Variants in DNAH1 observed in about 807,000 individuals in gnomAD.
DNAH1 encodes the protein axonemal beta dynein heavy chain 1.
In DNAH1, 327 loss-of-function variants were observed where a neutral mutation model predicts 484.3. The ratio of observed to expected loss-of-function variants is 0.68; its 90% confidence interval spans 0.62 to 0.74. The LOEUF is 0.74. Among genes scored for constraint, DNAH1 ranks in the 30% least tolerant of loss-of-function variants. The pLI is 0.00. For missense variants in DNAH1, 5,052 were observed against 5,546.8 expected (o/e 0.91, Z 2.83); for synonymous variants, 2,192 against 2,191.9 (o/e 1.00, Z 0.00).
At chr3:52,342,033 C>G (rs958431611) in intron 8 of DNAH1, among the ~76,000 whole-genome samples, 62 of 152,348 alleles carry the variant, frequency 4.1e-4, no homozygotes, top group African/African-American at 1.5e-3. Flanking sequence ...AGAGATGTCT[C>G]AGAAGGGCTT....
rs1299492967 is a variant in DNAH1 at position 52,364,206 on chromosome 3, A to G, written c.5245-432A>G. On this transcript the variant is annotated intron_variant, in intron 32 of 77. Transcript: ENST00000420323. The surrounding 1 kb of genome is among the most constrained non-coding windows in gnomAD (Gnocchi z 4.2). ...GTAATGAAGAGAAACAGGCTGGGGG[A>G]AAAAGCATGGTGGTGTGGCCAGAAA... Among the ~76,000 whole-genome samples the G allele has an allele frequency of 6.6e-6, 1 of 152,186 alleles. No homozygotes were observed. Among genetic ancestry groups the G allele is most frequent in the South Asian group, 2.1e-4 (1 of 4,830 alleles).
At chr3:52,346,413 G>A in intron 10 of DNAH1, 59 bp from the exon 11 acceptor site, 3 of 1,510,538 alleles carry the variant, frequency 2.0e-6, no homozygotes, top group African/African-American at 2.7e-5. Context: ...GTCCCTGAGT[G>A]CAGCTATAGG....
chr3:52,332,380 G>A lies in DNAH1; in HGVS notation c.1272G>A (p.Met424Ile), dbSNP rs755975126. 8 of 1,613,394 alleles carry A rather than the reference G, an allele frequency of 5.0e-6. No homozygotes were observed. Among genetic ancestry groups the A allele is most frequent in the South Asian group, 1.1e-5 (1 of 91,086 alleles). ...IKQWALSTPR[M>I]RKGPSVLEHL... is the part of the protein sequence containing the mutation. ...AGTGGGCCCTGAGCACGCCTCGGAT[G>A]CGCAAAGGCCCCTCGTGAGTCCCCG... Residue 424 changes from methionine (M) to isoleucine (I), a missense_variant, in exon 8 of 78, where the codon ATG becomes ATA. Transcript: ENST00000420323.
rs1378401966 is a variant in DNAH1 at position 52,395,705 on chromosome 3, C to T, written c.11259+27C>T. The T allele has an allele frequency of 1.2e-6, 2 of 1,605,662 alleles. No individual in the cohort carries two copies. The highest frequency in any genetic ancestry group is 1.7e-6 in the Non-Finnish European group (2 of 1,175,746). Reference sequence around the variant, plus strand: ...TGTGTTGCCCTGCCCATCACAGACCCAGTGGGGCCGCCTCTGCATCCATCA... The same window carrying T: ...TGTGTTGCCCTGCCCATCACAGACCTAGTGGGGCCGCCTCTGCATCCATCA... On this transcript the variant is annotated intron_variant, in intron 70 of 77. Coordinates refer to ENST00000420323, the MANE Select transcript of DNAH1 (RefSeq NM_015512.5). This position sits in a 1 kb window ranked among gnomAD's most constrained non-coding sequence, Gnocchi z 4.4.
At chr3:52,394,382 G>A in intron 66 of DNAH1, 83 bp from the exon 67 acceptor site, 1 of 1,365,470 alleles carries the variant, frequency 7.3e-7, no homozygotes, top group Non-Finnish European at 1.0e-6. Flanking sequence ...AGGGTGGTTA[G>A]AGAGGCACTA....
At position 52,332,511 on chromosome 3, in the gene DNAH1, G is replaced by A. The variant is rs1701595475; in HGVS notation, c.1286+117G>A. The A allele has an allele frequency of 2.8e-6, 4 of 1,444,408 alleles. No homozygotes were observed. The South Asian group carries it at 4.1e-5, about 15-fold the overall frequency. 89.5% of individuals were successfully genotyped at this position (1,444,408 alleles called of 1,614,324 possible). ...CCTCAGGGCTCATCTGTTTGAGACT[G>A]TCCTGGCTATTGCCCTCTGGACTTG... On this transcript the variant is annotated intron_variant, in intron 8 of 77. Coordinates refer to ENST00000420323, the MANE Select transcript of DNAH1 (RefSeq NM_015512.5).
Position 52,386,356 on chromosome 3 carries a change from G to T in DNAH1, c.8811+11G>T. On this transcript the variant is annotated intron_variant, in intron 55 of 77. Transcript: ENST00000420323. Reference sequence around the variant, plus strand: ...AACGATGTGACCGAGGTGGGCAGCAGGGCATCTCCTGGCATTCCCTCTCAT... The same window carrying T: ...AACGATGTGACCGAGGTGGGCAGCATGGCATCTCCTGGCATTCCCTCTCAT... 6.4e-7 allele frequency: 1 copy of T among 1,554,254 alleles called. No individual in the cohort carries two copies. The highest frequency in any genetic ancestry group is 1.2e-5 in the South Asian group (1 of 84,036).
chr3:52,320,642 A>G (rs1578061558), intron 1 of DNAH1, among the ~76,000 whole-genome samples: 1 of 152,164 alleles, frequency 6.6e-6, no homozygotes, highest in Non-Finnish European at 1.5e-5. Context: ...AGCACAAAAC[A>G]CCCAGCAAAA....
chr3:52,326,912 T>C, intron 5 of DNAH1, 21 bp downstream of exon 5: 1 of 1,607,900 alleles, frequency 6.2e-7, no homozygotes, highest in Non-Finnish European at 8.5e-7. Context: ...CTTCCACAGA[T>C]GGTTGAGAGA....
At chr3:52,382,178 G>A in intron 49 of DNAH1, 142 bp from the exon 50 acceptor site, 2 of 1,358,634 alleles carry the variant, frequency 1.5e-6, no homozygotes, top group Non-Finnish European at 2.0e-6. Flanking sequence ...CAAAAAAGCA[G>A]GTTCAGGGCC....
chr3:52,368,541 G>A lies in DNAH1; in HGVS notation c.5766-200G>A, dbSNP rs1163942396. Among the ~76,000 whole-genome samples the A allele has an allele frequency of 2.6e-5, 4 of 152,178 alleles. No individual in the cohort carries two copies. Among genetic ancestry groups the A allele is most frequent in the African/African-American group, 9.7e-5 (4 of 41,434 alleles). On this transcript the variant is annotated intron_variant, in intron 36 of 77. Transcript: ENST00000420323. The surrounding 1 kb of genome is among the most constrained non-coding windows in gnomAD (Gnocchi z 4.4). ...TCACCTTTAATGGGGCTTCAGCAGG[G>A]CAGGGACATAAGCACATGTTTTCAT... is the stretch of plus-strand genomic sequence containing the variant.
At chr3:52,313,951 T>G (rs920926593), upstream of DNAH1, among the ~76,000 whole-genome samples, 1 of 152,136 alleles carries the variant, frequency 6.6e-6, no homozygotes, top group African/African-American at 2.4e-5. Flanking sequence ...AATCCAGGCC[T>G]CCTGCCCCGT....
In DNAH1 at chr3:52,372,397, C is replaced by T. The variant is rs762814028; in HGVS notation, c.6827+10C>T. 3.7e-6 allele frequency: 6 copies of T among 1,612,744 alleles called. No individual in the cohort carries two copies. In the African/African-American group the frequency reaches 6.7e-5, roughly 18 times the overall value. On this transcript the variant is annotated intron_variant, in intron 43 of 77. Coordinates refer to ENST00000420323, the MANE Select transcript of DNAH1 (RefSeq NM_015512.5). Reference sequence around the variant, plus strand: ...GCAAGCTGGACAAGAGGCAGGGCACCCCTCCCTCCTTCCTCACCCCTGCAT... The same window carrying T: ...GCAAGCTGGACAAGAGGCAGGGCACTCCTCCCTCCTTCCTCACCCCTGCAT...
rs761858704 is a variant in DNAH1 at position 52,345,584 on chromosome 3, G to A, written c.1534G>A (p.Ala512Thr). 20 of 1,602,642 alleles carry A rather than the reference G, an allele frequency of 1.2e-5. No homozygotes were observed. Among genetic ancestry groups the A allele is most frequent in the African/African-American group, 8.0e-5 (6 of 74,696 alleles). ...GCTCACACGGCCAGAGGTCATCACG[G>A]CCCTCAGCAAGGTGAGGGCCGAGTG... ...SLLTRPEVIT[A>T]LSKVRAECNK... Residue 512 changes from alanine (A) to threonine (T), a missense_variant, in exon 10 of 78, where the codon GCC becomes ACC. Ala to Thr is a moderately conservative substitution (Grantham distance 58). Around this residue, in one of 4 missense-constraint regions of DNAH1, gnomAD observed 1,263 missense variants for 1,218.8 expected, o/e 1.04. Coordinates refer to ENST00000420323, the MANE Select transcript of DNAH1 (RefSeq NM_015512.5).
chr3:52,322,686 CT>C lies in DNAH1; in HGVS notation c.245del (p.Leu82ArgfsTer10), dbSNP rs1701192142. The C allele has an allele frequency of 2.5e-6, 4 of 1,613,744 alleles. No homozygotes were observed. Among genetic ancestry groups the C allele is most frequent in the African/African-American group, 1.3e-5 (1 of 74,910 alleles). ...CTTGGGGCAGCCACGGAAGTCACCC[CT>C]GACAGGCACTGATAAGAAGTACCCG... ...SDLGQPRKSP[L>X]TGTDKKYPLM... On this transcript the variant is annotated frameshift_variant, in exon 2 of 78. Transcript: ENST00000420323. LOFTEE classifies it high-confidence loss of function.
At chr3:52,351,143 C>T (rs1313920962) in intron 16 of DNAH1, among the ~76,000 whole-genome samples, 1 of 152,232 alleles carries the variant, frequency 6.6e-6, no homozygotes. Context: ...AGCCACCGCG[C>T]CCAGCCTGAC....
intron 37 of DNAH1, 112 bp downstream of exon 37, chr3:52,369,030 C>A (rs1578155458): frequency 8.1e-7 from 1 of 1,233,244 alleles, no homozygotes; most frequent in East Asian, 2.5e-5. Context: ...GGCCATGGGT[C>A]CATCTCAGGC....
At chr3:52,347,535 G>C (rs1321962960) in intron 11 of DNAH1, among the ~76,000 whole-genome samples, 5 of 152,196 alleles carry the variant, frequency 3.3e-5, no homozygotes, top group African/African-American at 1.2e-4. Context: ...CTCCCGGGGA[G>C]AGAGTGGGGG....
chr3:52,328,089 C>CT, intron 6 of DNAH1, 75 bp downstream of exon 6: 1 of 1,568,738 alleles, frequency 6.4e-7, no homozygotes, highest in Non-Finnish European at 8.7e-7. Context: ...CTGGGCTCCC[C>CT]TGGGACCTGG....
Sources: gnomAD v4.1 joint callset for allele counts (sites outside exome capture counted in the v4.1 genomes callset) on GRCh38, gnomAD v4.1.1 for gene constraint, gnomAD v4.1.1 regional missense constraint, Gnocchi (gnomAD v3.1) non-coding constraint, MANE v1.5 for transcripts, NCBI Gene and HGNC (gene_info 2026-07-23, HGNC 2026-07-21) for gene names.